Variants in AUTS2 observed in about 807,000 individuals in gnomAD.
AUTS2 encodes the protein activator of transcription and developmental regulator AUTS2, also known as autism susceptibility gene 2 protein.
In AUTS2, 17 loss-of-function variants were observed where a neutral mutation model predicts 112.4. The ratio of observed to expected loss-of-function variants is 0.15; its 90% confidence interval spans 0.10 to 0.23. The LOEUF (loss-of-function observed/expected upper bound fraction) is 0.23. Among genes scored for constraint, AUTS2 ranks in the 10% least tolerant of loss-of-function variants. The pLI, the probability that AUTS2 is intolerant of heterozygous loss-of-function variation, is 1.00. For missense variants in AUTS2, 1,510 were observed against 1,701.6 expected, an observed-to-expected ratio of 0.89 and a Z score of 1.98; for synonymous variants, 751 against 702.7, an observed-to-expected ratio of 1.07 and a Z score of -1.09.
At chr7:70,708,205 T>A (rs111242975) in intron 6 of AUTS2, among the ~76,000 whole-genome samples, 186 of 152,324 alleles carry the variant, frequency 1.2e-3, no homozygotes, top group African/African-American at 4.4e-3. Flanking sequence ...TTTCTCATTC[T>A]CTGTTCATAG....
At chr7:69,986,276 T>C (rs1798512531) in intron 2 of AUTS2, among the ~76,000 whole-genome samples, 2 of 152,348 alleles carry the variant, frequency 1.3e-5, no homozygotes, top group East Asian at 3.9e-4. Flanking sequence ...TGCCTAGCAG[T>C]GAGTAAGAAC....
rs193087155 is a variant in AUTS2, at chr7:70,385,813, T to G, written c.661-49939T>G. Among the ~76,000 whole-genome samples, 750 of 152,338 alleles carry G rather than the reference T, an allele frequency of 4.9e-3. 9 individuals carry two copies. Among genetic ancestry groups the G allele is most frequent in the Admixed American group, 0.024 (367 of 15,302 alleles). ...TAGCAGTCAATATTTAGAAAAGTTG[T>G]GTTCCTGGTAGTCTGGCACAGAATG... On this transcript the variant is annotated intron_variant, in intron 4 of 18. Transcript: ENST00000342771.
chr7:70,509,878 T>C (rs975887769), intron 5 of AUTS2, among the ~76,000 whole-genome samples: 8 of 152,176 alleles, frequency 5.3e-5, no homozygotes, highest in African/African-American at 1.7e-4. Flanking sequence ...CAATCTCTAG[T>C]GTGGAAGAAA....
intron 4 of AUTS2, among the ~76,000 whole-genome samples, chr7:70,140,770 A>G (rs1290168666): frequency 6.6e-6 from 1 of 152,334 alleles, no homozygotes; most frequent in South Asian, 2.1e-4. Flanking sequence ...ATATTTTTGA[A>G]AATCTAAATT....
Position 70,367,250 on chromosome 7 carries a change from G to A in AUTS2, c.661-68502G>A, listed in dbSNP as rs147210717. ...TGCTCTCCAGCCTGGGTAACAGAGC[G>A]AGAGTCTGTCTCAAAAAACAAAAAG... is the stretch of plus-strand genomic sequence containing the variant. On this transcript the variant is annotated intron_variant, in intron 4 of 18. Transcript: ENST00000342771. 2.7e-3 allele frequency among the ~76,000 whole-genome samples: 405 copies of A among 152,164 alleles called. 1 individual carries two copies. Among genetic ancestry groups the A allele is most frequent in the African/African-American group, 9.1e-3 (376 of 41,508 alleles).
At chr7:69,991,570 A>T (rs1445294959) in intron 2 of AUTS2, among the ~76,000 whole-genome samples, 1 of 152,242 alleles carries the variant, frequency 6.6e-6, no homozygotes, top group Non-Finnish European at 1.5e-5. Flanking sequence ...TGCTGTTAAC[A>T]TACTCAGGGA....
intron 1 of AUTS2, among the ~76,000 whole-genome samples, chr7:69,839,598 A>G (rs1791881642): frequency 2.6e-5 from 4 of 152,278 alleles, no homozygotes; most frequent in African/African-American, 9.6e-5. Context: ...TGAAGCTTAT[A>G]TTCTTTTAGA....
chr7:69,941,859 T>A (rs900055652), intron 2 of AUTS2, among the ~76,000 whole-genome samples: 1 of 152,190 alleles, frequency 6.6e-6, no homozygotes, highest in Non-Finnish European at 1.5e-5. Flanking sequence ...ACTGGTTAGA[T>A]TAAATGCTAT....
chr7:69,607,012 T>A (rs1290078456), intron 1 of AUTS2, among the ~76,000 whole-genome samples: 1 of 152,234 alleles, frequency 6.6e-6, no homozygotes, highest in Non-Finnish European at 1.5e-5. Context: ...CATCTGTTGG[T>A]ATGCAATTAA....
chr7:69,839,613 T>C (rs1221447811), intron 1 of AUTS2, among the ~76,000 whole-genome samples: 1 of 152,174 alleles, frequency 6.6e-6, no homozygotes, highest in Non-Finnish European at 1.5e-5. Context: ...TTTAGAGAGT[T>C]ACAAGAAAAC....
At chr7:70,338,472 CATAGGAA>C (rs1791096332) in intron 4 of AUTS2, among the ~76,000 whole-genome samples, 1 of 152,140 alleles carries the variant, frequency 6.6e-6, no homozygotes, top group Non-Finnish European at 1.5e-5. Flanking sequence ...GTTGTGAGAT[CATAGGAA>C]AATTTAGTGA....
chr7:70,259,509 C>T (rs1285551925), intron 4 of AUTS2, among the ~76,000 whole-genome samples: 1 of 152,158 alleles, frequency 6.6e-6, no homozygotes, highest in Non-Finnish European at 1.5e-5. Flanking sequence ...GCATTCTGTC[C>T]TCACCAAGCC....
Position 69,880,080 on chromosome 7 carries a change from A to G in AUTS2, c.310-19206A>G, listed in dbSNP as rs548282504. Among the ~76,000 whole-genome samples the G allele has an allele frequency of 3.5e-4, 54 of 152,316 alleles. No individual in the cohort carries two copies. The South Asian group carries it at 0.011, about 30-fold the overall frequency. ...TGGTTCTGCAGGCTGTACAAGAAGCATGGTTGGGGAGGCTTCAGGAAATCT... is the reference window on the plus strand; with the variant it reads ...TGGTTCTGCAGGCTGTACAAGAAGCGTGGTTGGGGAGGCTTCAGGAAATCT... On this transcript the variant is annotated intron_variant, in intron 1 of 18. Transcript: ENST00000342771.
intron 1 of AUTS2, among the ~76,000 whole-genome samples, chr7:69,748,093 A>G (rs1562856030): frequency 6.6e-6 from 1 of 152,038 alleles, no homozygotes; most frequent in Non-Finnish European, 1.5e-5. Context: ...AACTTGAGTT[A>G]TTGAATTTTG....
At chr7:70,500,190 A>G (rs1200999448) in intron 5 of AUTS2, among the ~76,000 whole-genome samples, 1 of 151,830 alleles carries the variant, frequency 6.6e-6, no homozygotes, top group Admixed American at 6.6e-5. Flanking sequence ...AAAAAAAACA[A>G]AACAAAAAGC....
At chr7:70,771,292 G>A (rs2129558244) in intron 10 of AUTS2, 1 of 291,996 alleles carries the variant, frequency 3.4e-6, no homozygotes, top group African/African-American at 2.1e-5. Flanking sequence ...TTAATAATTA[G>A]AAAAGCTCCC....
intron 2 of AUTS2, among the ~76,000 whole-genome samples, chr7:69,914,053 T>C (rs1795464484): frequency 6.6e-6 from 1 of 152,120 alleles, no homozygotes; most frequent in Non-Finnish European, 1.5e-5. Context: ...GTCTTCTGTG[T>C]TTTGCACTCA....
chr7:70,597,167 T>A (rs1033369697), intron 5 of AUTS2, among the ~76,000 whole-genome samples: 3 of 152,224 alleles, frequency 2.0e-5, no homozygotes, highest in Non-Finnish European at 2.9e-5. Flanking sequence ...CAAACTTAGA[T>A]GAATTCCTGA....
At chr7:70,378,203 T>G (rs769393048) in intron 4 of AUTS2, among the ~76,000 whole-genome samples, 1 of 152,214 alleles carries the variant, frequency 6.6e-6, no homozygotes, top group Non-Finnish European at 1.5e-5. Flanking sequence ...AATGGACACT[T>G]GGTTGCTTTC....
Sources: allele counts gnomAD v4.1 joint callset (sites outside exome capture counted in the v4.1 genomes callset), GRCh38; gene constraint gnomAD v4.1.1; transcripts MANE v1.5; gene names NCBI Gene and HGNC (gene_info 2026-07-23, HGNC 2026-07-21).